SBF2: variants seen among roughly 807,000 people sequenced by gnomAD.
SBF2 encodes myotubularin-related protein 13.
A neutral mutation model predicts 225.2 loss-of-function variants in SBF2; 112 were observed. The ratio of observed to expected loss-of-function variants is 0.50; its 90% CI spans 0.43 to 0.58. The LOEUF is 0.58. Ranked by LOEUF, SBF2 falls within the 20% of genes least tolerant of loss-of-function variation. The pLI is 0.00. For missense variants in SBF2, 1,996 were observed against 2,206.2 expected (o/e 0.90, Z 1.91); for synonymous variants, 763 against 773.3 (o/e 0.99, Z 0.22).
intron 16 of SBF2, among the ~76,000 whole-genome samples, chr11:9,929,533 A>C (rs1864326442): frequency 6.6e-6 from 1 of 152,186 alleles, no homozygotes; most frequent in South Asian, 2.1e-4. Flanking sequence ...TCCTGGCGAA[A>C]CCATTACATC....
intron 1 of SBF2, among the ~76,000 whole-genome samples, chr11:10,200,514 T>G (rs982879617): frequency 6.6e-6 from 1 of 152,232 alleles, no homozygotes; most frequent in East Asian, 1.9e-4. Flanking sequence ...GGAGTTACTT[T>G]TGAATGAAAC....
chr11:10,160,209 C>T (rs1001641578), intron 2 of SBF2, among the ~76,000 whole-genome samples: 11 of 152,024 alleles, frequency 7.2e-5, no homozygotes, highest in African/African-American at 2.2e-4. Context: ...TAAACAAGTT[C>T]AGTAAAGTCG....
intron 2 of SBF2, among the ~76,000 whole-genome samples, chr11:10,168,006 A>G (rs1426241821): frequency 6.6e-6 from 1 of 152,246 alleles, no homozygotes; most frequent in Non-Finnish European, 1.5e-5. Context: ...CAACAGAGTG[A>G]GACTCTGTCT....
intron 19 of SBF2, 78 bp from the exon 20 acceptor site, chr11:9,853,790 A>G: frequency 7.5e-7 from 1 of 1,336,220 alleles, no homozygotes; most frequent in Non-Finnish European, 1.1e-6. Context: ...CAATTTACAT[A>G]GCGACAGAAA....
At chr11:10,169,004 G>C (rs1565309449) in intron 2 of SBF2, among the ~76,000 whole-genome samples, 1 of 152,076 alleles carries the variant, frequency 6.6e-6, no homozygotes, top group Non-Finnish European at 1.5e-5. Flanking sequence ...TTTAATTGGA[G>C]AAAAATACTG....
At chr11:9,996,831 C>T (rs555869602) in intron 9 of SBF2, among the ~76,000 whole-genome samples, 55 of 152,274 alleles carry the variant, frequency 3.6e-4, no homozygotes, top group African/African-American at 1.3e-3. Flanking sequence ...CAAATCATCA[C>T]CATGCTTCAT....
chr11:10,236,467 T>G (rs1959081654), intron 1 of SBF2, among the ~76,000 whole-genome samples: 1 of 152,094 alleles, frequency 6.6e-6, no homozygotes, highest in Non-Finnish European at 1.5e-5. Flanking sequence ...TCTCTTTTTT[T>G]TTGTTTTTTT....
intron 17 of SBF2, among the ~76,000 whole-genome samples, chr11:9,876,999 A>G (rs1162418827): frequency 4.6e-5 from 7 of 152,170 alleles, no homozygotes; most frequent in Admixed American, 2.6e-4. Context: ...TCGGCCTCCC[A>G]AAGTGTTGGG....
At chr11:10,086,655 A>G (rs1420987669) in intron 2 of SBF2, among the ~76,000 whole-genome samples, 1 of 152,186 alleles carries the variant, frequency 6.6e-6, no homozygotes, top group African/African-American at 2.4e-5. Flanking sequence ...TTTATAAAAC[A>G]GGTATAATAA....
At chr11:10,298,623 C>A (rs1156725399), upstream of SBF2, among the ~76,000 whole-genome samples, 8 of 152,192 alleles carry the variant, frequency 5.3e-5, no homozygotes, top group African/African-American at 1.7e-4. Flanking sequence ...TCGTCTCTAC[C>A]AAAGCATAAC....
chr11:9,857,415 A>T (rs1857403774), intron 18 of SBF2, among the ~76,000 whole-genome samples: 1 of 152,250 alleles, frequency 6.6e-6, no homozygotes, highest in Non-Finnish European at 1.5e-5. Context: ...ACATCTGCTT[A>T]AAAAATGATC....
chr11:9,958,607 C>G (rs1866354309), intron 16 of SBF2: 2 of 213,334 alleles, frequency 9.4e-6, no homozygotes, highest in African/African-American at 4.7e-5. Flanking sequence ...ATCCGCCCGC[C>G]TCGGCCTCCC....
rs183468503 is a variant in SBF2, at chr11:9,789,242, G to T, written c.4799C>A (p.Thr1600Asn). The change falls in exon 35 of 40, where the codon ACC becomes AAC. Residue 1600 changes from threonine (T) to asparagine (N), a missense_variant. Physicochemically the swap from Thr to Asn is moderately conservative, Grantham distance 65. Coordinates refer to ENST00000256190, the MANE Select transcript of SBF2 (RefSeq NM_030962.4). ...GTCTTCGGAGGGGAAGTGCTTGGGG[G>T]TTAGCATCATCCAGTCATAGGAAGG... is the stretch of plus-strand genomic sequence containing the variant. ...TGPSYDWMML[T>N]PKHFPSEDSD... 7 of 1,614,158 alleles carry T rather than the reference G, an allele frequency of 4.3e-6. No individual in the cohort carries two copies. Among genetic ancestry groups the T allele is most frequent in the Non-Finnish European group, 5.1e-6 (6 of 1,180,012 alleles).
At chr11:10,086,548 A>C (rs1404759107) in intron 2 of SBF2, among the ~76,000 whole-genome samples, 1 of 152,192 alleles carries the variant, frequency 6.6e-6, no homozygotes, top group Non-Finnish European at 1.5e-5. Flanking sequence ...TTTTCTAAGC[A>C]CTATAGTACA....
intron 2 of SBF2, among the ~76,000 whole-genome samples, chr11:10,135,177 C>T (rs572397533): frequency 1.3e-5 from 2 of 152,358 alleles, no homozygotes; most frequent in African/African-American, 2.4e-5. Flanking sequence ...CCACACTGTA[C>T]CTTGGCCCCT....
intron 1 of SBF2, among the ~76,000 whole-genome samples, chr11:10,290,775 A>G (rs1281829833): frequency 1.3e-5 from 2 of 152,178 alleles, no homozygotes; most frequent in African/African-American, 4.8e-5. Flanking sequence ...ATATACAGAG[A>G]TAATAAATAA....
intron 16 of SBF2, chr11:9,959,638 C>G: frequency 1.3e-6 from 1 of 753,904 alleles, no homozygotes; most frequent in Non-Finnish European, 2.5e-6. Context: ...TCAGGTAACT[C>G]TTCCACACGC....
rs114611631 is a variant in SBF2, at chr11:9,899,817, G to T, written c.1861-3806C>A. 3.9e-3 allele frequency among the ~76,000 whole-genome samples: 600 copies of T among 152,178 alleles called. 2 individuals carry two copies. The highest frequency in any genetic ancestry group is 0.014 in the African/African-American group (577 of 41,520). ...TATATTAAACAGCAAGATCCCTGAT[G>T]ATATCATCAGATATAACATATGAGG... On this transcript the variant is annotated intron_variant, in intron 16 of 39. Coordinates refer to ENST00000256190, the MANE Select transcript of SBF2 (RefSeq NM_030962.4).
At chr11:10,005,774 T>A (rs1466716703) in intron 6 of SBF2, among the ~76,000 whole-genome samples, 1 of 152,162 alleles carries the variant, frequency 6.6e-6, no homozygotes, top group African/African-American at 2.4e-5. Flanking sequence ...TGCCTCAACT[T>A]CTTTGGCTGG....
Sources: allele counts gnomAD v4.1 joint callset (sites outside exome capture counted in the v4.1 genomes callset), GRCh38; gene constraint gnomAD v4.1.1; transcripts MANE v1.5; gene names NCBI Gene and HGNC (gene_info 2026-07-23, HGNC 2026-07-21).